The following CSF2RB variants were observed in gnomAD, a reference collection of about 807,000 sequenced individuals.
The protein encoded by CSF2RB is cytokine receptor common subunit beta.
In CSF2RB, 22 loss-of-function variants were observed where a neutral mutation model predicts 67.2. That is an observed-to-expected ratio of 0.33 (90% CI 0.23 to 0.47). The LOEUF is 0.47. Ranked by LOEUF, CSF2RB falls within the 20% of genes least tolerant of loss-of-function variation. The pLI is 1.00. For missense variants in CSF2RB, 1,113 were observed against 1,174.5 expected (o/e 0.95, Z 0.76); for synonymous variants, 507 against 482.9 (o/e 1.05, Z -0.65).
chr22:36,939,141 G>A lies in CSF2RB; in HGVS notation c.*639G>A, dbSNP rs989705298. 11 of 702,228 alleles carry A rather than the reference G, an allele frequency of 1.6e-5. No homozygotes were observed. Among genetic ancestry groups the A allele is most frequent in the Admixed American group, 8.0e-5 (4 of 49,974 alleles). 43.5% of individuals were successfully genotyped at this position (702,228 alleles called of 1,614,324 possible). On this transcript the variant is annotated 3_prime_UTR_variant, in exon 14 of 14. Transcript: ENST00000403662. ...GCATGGTATTGGGGGTCGGGGGGGC[G>A]GTGCAAGGGACGCACATGAGAGACT...
chr22:36,919,567 AT>A (rs35070577), intron 1 of CSF2RB, among the ~76,000 whole-genome samples: 73,458 of 142,122 alleles, frequency 0.52, 18,800 homozygotes, highest in Admixed American at 0.61. Context: ...ATGGCCAGCT[AT>A]TTTTTTTTTT....
In CSF2RB at chr22:36,933,871, G is replaced by A. The variant is rs754637008; in HGVS notation, c.1192G>A (p.Ala398Thr). The change falls in exon 10 of 14, where the codon GCC (alanine) becomes ACC (threonine). Residue 398 changes from alanine to threonine, a missense_variant. By Grantham distance (58) the Ala-to-Thr change is moderately conservative (BLOSUM62 0). Coordinates refer to ENST00000403662, the MANE Select transcript of CSF2RB (RefSeq NM_000395.3). Reference protein sequence around the residue: ...TETLQNAHSMALPALEPSTRY... With the variant: ...TETLQNAHSMTLPALEPSTRY... The stretch of plus-strand genomic sequence containing the variant: ...GACCCTCCAGAACGCCCACAGCATG[G>A]CCCTGCCAGCCCTGGAGCCCTCCAC... The A allele has an allele frequency of 6.2e-7, 1 of 1,610,496 alleles. No individual in the cohort carries two copies. The highest frequency in any genetic ancestry group is 8.5e-7 in the Non-Finnish European group (1 of 1,179,894).
At position 36,932,923 on chromosome 22, in the gene CSF2RB, G is replaced by T; in HGVS notation, c.1152+19G>T. The T allele has an allele frequency of 6.2e-7, 1 of 1,613,660 alleles. No homozygotes were observed. Among genetic ancestry groups the T allele is most frequent in the Non-Finnish European group, 8.5e-7 (1 of 1,179,804 alleles). ...GTGGAAGGTGAGGGCCTTTGCCCAGGGAGGGGAGAAACACTGGGGAGGGCG... is the reference window on the plus strand; with the variant it reads ...GTGGAAGGTGAGGGCCTTTGCCCAGTGAGGGGAGAAACACTGGGGAGGGCG... On this transcript the variant is annotated intron_variant, in intron 9 of 13. Coordinates refer to ENST00000403662, the MANE Select transcript of CSF2RB (RefSeq NM_000395.3).
chr22:36,936,524 G>T (rs370615406), intron 12 of CSF2RB, 25 bp from the exon 13 acceptor site: 56 of 1,611,222 alleles, frequency 3.5e-5, no homozygotes, highest in Non-Finnish European at 4.5e-5. Flanking sequence ...GATGCTCACC[G>T]GCCCAAATGT....
chr22:36,922,661 C>T (rs1298077968), intron 2 of CSF2RB: 4 of 389,408 alleles, frequency 1.0e-5, no homozygotes, highest in Non-Finnish European at 1.9e-5. Context: ...CTGGGGTTCT[C>T]TCCCTGCTTC....
rs1467754333 is a variant in CSF2RB, at chr22:36,933,970, G to A, written c.1291G>A (p.Ala431Thr). The A allele has an allele frequency of 1.9e-6, 3 of 1,612,686 alleles. No homozygotes were observed. In the East Asian group the frequency reaches 6.7e-5, roughly 36 times the overall value. Reference protein sequence around the residue: ...YNGIWSEWSEARSWDTESVLP... With the variant: ...YNGIWSEWSETRSWDTESVLP... ...CGGGATCTGGAGCGAGTGGAGTGAG[G>A]CGCGCTCCTGGGACACCGAGTCGGG... The change falls in exon 10 of 14, where the codon GCG (alanine) becomes ACG (threonine). Residue 431 changes from alanine to threonine, a missense_variant. By Grantham distance (58) the Ala-to-Thr change is moderately conservative. Around this residue, in one of 2 missense-constraint regions of CSF2RB, gnomAD observed 559 missense variants for 656.5 expected, o/e 0.85. Coordinates refer to ENST00000403662, the MANE Select transcript of CSF2RB (RefSeq NM_000395.3).
intron 11 of CSF2RB, 61 bp from the exon 12 acceptor site, chr22:36,935,568 TG>T (rs1314526323): frequency 6.2e-7 from 1 of 1,610,738 alleles, no homozygotes; most frequent in Non-Finnish European, 8.5e-7. Flanking sequence ...CCTCTGGGCA[TG>T]AGCATGGGAG....
In CSF2RB at chr22:36,937,521, A is replaced by AGGC; in HGVS notation, c.1714_1716dup (p.Gly572dup). The stretch of plus-strand genomic sequence containing the variant: ...CAGAGCAGCCCCCCAGCCCCCAGCC[A>AGGC]GGCCCGCCTGCCGCCTCCCACACAC... On this transcript the variant is annotated inframe_insertion, in exon 14 of 14. Transcript: ENST00000403662. This position sits in a 1 kb window ranked among gnomAD's most constrained non-coding sequence, Gnocchi z 4.6. 1 of 1,613,764 alleles carries AGGC rather than the reference A, an allele frequency of 6.2e-7. No individual in the cohort carries two copies. Among genetic ancestry groups the AGGC allele is most frequent in the Admixed American group, 1.7e-5 (1 of 60,004 alleles).
chr22:36,934,131 C>A, intron 10 of CSF2RB, 137 bp downstream of exon 10: 1 of 1,238,400 alleles, frequency 8.1e-7, no homozygotes, highest in Non-Finnish European at 1.1e-6. Flanking sequence ...TAGATGGTGG[C>A]CAAAGAGAAA....
At chr22:36,923,135 G>A in intron 2 of CSF2RB, 109 bp from the exon 3 acceptor site, 1 of 1,551,790 alleles carries the variant, frequency 6.4e-7, no homozygotes, top group Non-Finnish European at 8.9e-7. Context: ...CCTCTGCAGG[G>A]ACCTGGGAGA....
chr22:36,933,137 C>T (rs891401008), intron 9 of CSF2RB, among the ~76,000 whole-genome samples: 1 of 152,200 alleles, frequency 6.6e-6, no homozygotes, highest in Admixed American at 6.5e-5. Context: ...GAACAGCTGA[C>T]CCTGAGTCCC....
At chr22:36,914,678 A>C (rs998812353) in intron 1 of CSF2RB, among the ~76,000 whole-genome samples, 11 of 151,404 alleles carry the variant, frequency 7.3e-5, no homozygotes, top group Non-Finnish European at 1.6e-4. Context: ...GTCTTCAAAA[A>C]CCCTGCTGTT....
chr22:36,938,023 G>C lies in CSF2RB; in HGVS notation c.2215G>C (p.Asp739His), dbSNP rs1274444745. The C allele has an allele frequency of 1.9e-6, 3 of 1,614,026 alleles. No homozygotes were observed. The highest frequency in any genetic ancestry group is 4.5e-5 in the East Asian group (2 of 44,866). The change falls in exon 14 of 14, where the codon GAC (aspartate) becomes CAC (histidine). Residue 739 changes from aspartate to histidine, a missense_variant. Physicochemically the swap from Asp to His is moderately conservative, Grantham distance 81 (BLOSUM62 -1). Transcript: ENST00000403662. Reference protein sequence around the residue: ...SLVPSLGLPSDQTPSLCPGLA... With the variant: ...SLVPSLGLPSHQTPSLCPGLA... Reference sequence around the variant, plus strand: ...AGTTCCCTCTCTGGGCCTCCCCTCAGACCAGACCCCCAGCTTATGTCCTGG... The same window carrying C: ...AGTTCCCTCTCTGGGCCTCCCCTCACACCAGACCCCCAGCTTATGTCCTGG...
At chr22:36,929,336 C>A (rs1941095082) in intron 4 of CSF2RB, 66 bp from the exon 5 acceptor site, 4 of 1,609,022 alleles carry the variant, frequency 2.5e-6, no homozygotes, top group Non-Finnish European at 3.4e-6. Context: ...ACACAAAAGG[C>A]CATGCAGGCC....
chr22:36,917,726 C>A (rs1176683831), intron 1 of CSF2RB, among the ~76,000 whole-genome samples: 1 of 152,062 alleles, frequency 6.6e-6, no homozygotes, highest in Non-Finnish European at 1.5e-5. Flanking sequence ...GAGTTGAGAC[C>A]AACCTGGCCA....
At position 36,934,125 on chromosome 22, in the gene CSF2RB, T is replaced by C. The variant is rs977333167; in HGVS notation, c.1315+131T>C. 9 of 1,267,214 alleles carry C rather than the reference T, an allele frequency of 7.1e-6. No individual in the cohort carries two copies. In the African/African-American group the frequency reaches 8.8e-5, roughly 12 times the overall value. 78.5% of individuals were successfully genotyped at this position (1,267,214 alleles called of 1,614,324 possible). A position where few individuals can be genotyped will look rare whatever the true frequency, so the allele number is the denominator to read the frequency against. On this transcript the variant is annotated intron_variant, in intron 10 of 13. Transcript: ENST00000403662. ...TAGGTGAGCCGTCTCCCCGATTAGATGGTGGCCAAAGAGAAAGGGAAGGCC... is the reference window on the plus strand; with the variant it reads ...TAGGTGAGCCGTCTCCCCGATTAGACGGTGGCCAAAGAGAAAGGGAAGGCC...
In CSF2RB at chr22:36,928,893, C is replaced by G. The variant is rs79776067; in HGVS notation, c.392-509C>G. Among the ~76,000 whole-genome samples the G allele has an allele frequency of 9.7e-3, 1,474 of 152,260 alleles. 33 individuals carry two copies. The highest frequency in any genetic ancestry group is 0.071 in the South Asian group (341 of 4,822). ...TAAGGCCCTGGTGGAGGGAATTCCA[C>G]TGAGCTATGGTGAAATGAGAGAAGG... is the stretch of plus-strand genomic sequence containing the variant. On this transcript the variant is annotated intron_variant, in intron 4 of 13. Coordinates refer to ENST00000403662, the MANE Select transcript of CSF2RB (RefSeq NM_000395.3).
At chr22:36,930,930 T>A (rs1212913665) in intron 8 of CSF2RB, 100 bp downstream of exon 8, 1 of 1,416,966 alleles carries the variant, frequency 7.1e-7, no homozygotes, top group Non-Finnish European at 9.9e-7. Context: ...CCCGTCTTCA[T>A]GTTTGTCACT....
chr22:36,915,874 T>A (rs968340374), intron 1 of CSF2RB, among the ~76,000 whole-genome samples: 3 of 152,264 alleles, frequency 2.0e-5, no homozygotes, highest in Non-Finnish European at 4.4e-5. Context: ...GGTGAAGTTG[T>A]ACATTTTCTA....
Sources: gnomAD v4.1 joint callset for allele counts (sites outside exome capture counted in the v4.1 genomes callset) on GRCh38, gnomAD v4.1.1 for gene constraint, gnomAD v4.1.1 regional missense constraint, Gnocchi (gnomAD v3.1) non-coding constraint, MANE v1.5 for transcripts, NCBI Gene and HGNC (gene_info 2026-07-23, HGNC 2026-07-21) for gene names.